The following NR5A2 variants were observed in gnomAD, a reference collection of about 807,000 sequenced individuals.
NR5A2 encodes nuclear receptor subfamily 5 group A member 2.
In NR5A2, 26 loss-of-function variants were observed where a neutral mutation model predicts 62.7. The ratio of observed to expected loss-of-function variants is 0.41; its 90% CI spans 0.30 to 0.58. NR5A2 has a LOEUF of 0.58. Ranked by LOEUF, NR5A2 falls within the 20% of genes least tolerant of loss-of-function variation. The probability of loss-of-function intolerance (pLI) is 0.22; values close to 1 mark genes in which losing one functional copy is unlikely to be tolerated. For synonymous variants in NR5A2, 246 were observed against 241.7 expected (o/e 1.02, Z -0.16); for missense variants, 541 against 669.1 (o/e 0.81, Z 2.11).
chr1:200,050,824 G>A (rs908805328), intron 5 of NR5A2, among the ~76,000 whole-genome samples: 6 of 152,162 alleles, frequency 3.9e-5, no homozygotes, highest in Admixed American at 6.6e-5. Flanking sequence ...CCTGGGAGGC[G>A]GAGGTTGCGG....
rs1048021189 is a variant in NR5A2 at position 200,147,253 on chromosome 1, G to A, written c.1378+26298G>A. 6.6e-6 allele frequency among the ~76,000 whole-genome samples: 1 copy of A among 152,230 alleles called. No homozygotes were observed. Among genetic ancestry groups the A allele is most frequent in the Non-Finnish European group, 1.5e-5 (1 of 68,028 alleles). On this transcript the variant is annotated intron_variant, in intron 7 of 7. Coordinates refer to ENST00000367362, the MANE Select transcript of NR5A2 (RefSeq NM_205860.3). This position sits in a 1 kb window ranked among gnomAD's most constrained non-coding sequence, Gnocchi z 4.9. ...AGGCCGCTGCACCACGTGGTGTCAG[G>A]AGACCTTAGCAATGGCCCAGGTTCG...
At chr1:200,112,267 A>G (rs568810513) in intron 6 of NR5A2, among the ~76,000 whole-genome samples, 2 of 152,312 alleles carry the variant, frequency 1.3e-5, no homozygotes, top group Admixed American at 6.5e-5. Flanking sequence ...GAGAGAGTCT[A>G]CTTAATAGAC....
At chr1:200,095,064 C>A (rs1281049184) in intron 5 of NR5A2, among the ~76,000 whole-genome samples, 1 of 151,102 alleles carries the variant, frequency 6.6e-6, no homozygotes, top group Non-Finnish European at 1.5e-5. Flanking sequence ...CAGATGGTCA[C>A]AATGAGGAAG....
At position 200,074,736 on chromosome 1, in the gene NR5A2, C is replaced by CAAAAAAAAAAAAAAAAAAAAAAAAAAAAA. The variant is rs199556915; in HGVS notation, c.1110+25938_1110+25939insAAAAAAAAAAAAAAAAAAAAAAAAAAAAA. On this transcript the variant is annotated intron_variant, in intron 5 of 7. Coordinates refer to ENST00000367362, the MANE Select transcript of NR5A2 (RefSeq NM_205860.3). ...TGGGCGACAGGGCGAGAGTCCATCT[C>CAAAAAAAAAAAAAAAAAAAAAAAAAAAAA]AAAAAAAAAAAAAAAAAAAACACGA... Among the ~76,000 whole-genome samples, 40 of 67,536 alleles carry CAAAAAAAAAAAAAAAAAAAAAAAAAAAAA rather than the reference C, an allele frequency of 5.9e-4. 1 individual carries two copies. Among genetic ancestry groups the CAAAAAAAAAAAAAAAAAAAAAAAAAAAAA allele is most frequent in the East Asian group, 1.3e-3 (2 of 1,496 alleles). The allele number at this position is 67,536 out of a possible 152,430, so 44.3% of individuals were successfully genotyped here. A position where few individuals can be genotyped will look rare whatever the true frequency, so the allele number is the denominator to read the frequency against.
intron 7 of NR5A2, among the ~76,000 whole-genome samples, chr1:200,135,531 AAAAG>A (rs201676831): frequency 0.043 from 6,562 of 151,002 alleles, 165 homozygotes; most frequent in African/African-American, 0.078. Context: ...CAAAAAAAAA[AAAAG>A]AAGAAGAAGA....
chr1:200,074,081 G>T (rs1274075853), intron 5 of NR5A2, among the ~76,000 whole-genome samples: 1 of 152,020 alleles, frequency 6.6e-6, no homozygotes, highest in African/African-American at 2.4e-5. Flanking sequence ...GGCTATACTT[G>T]GTCCTCGTGA....
intron 5 of NR5A2, among the ~76,000 whole-genome samples, chr1:200,095,653 C>T (rs907094770): frequency 6.6e-5 from 10 of 151,420 alleles, no homozygotes; most frequent in African/African-American, 9.7e-5. Context: ...CCTGGGTTCA[C>T]GCCATCCTCC....
In NR5A2 at chr1:200,175,768, A is replaced by C. The variant is rs890667215; in HGVS notation, c.*1558A>C. The C allele has an allele frequency of 6.6e-6, 1 of 152,432 alleles. No homozygotes were observed. The highest frequency in any genetic ancestry group is 1.5e-5 in the Non-Finnish European group (1 of 68,022). The allele number at this position is 152,432 out of a possible 1,614,324, so 9.4% of individuals were successfully genotyped here. A position where few individuals can be genotyped will look rare whatever the true frequency, so the allele number is the denominator to read the frequency against. On this transcript the variant is annotated 3_prime_UTR_variant, in exon 8 of 8. Transcript: ENST00000367362. ...ATTATTCTATGTCGTGAGACACTAA[A>C]ATCAAAAACGGGAATCTCATTTAGA...
At chr1:200,130,917 G>A (rs972532319) in intron 7 of NR5A2, among the ~76,000 whole-genome samples, 3 of 152,120 alleles carry the variant, frequency 2.0e-5, no homozygotes, top group Admixed American at 1.3e-4. Flanking sequence ...AGGGTTCTTC[G>A]TACAATTAGC....
chr1:200,164,943 C>G (rs2102385929), intron 7 of NR5A2, among the ~76,000 whole-genome samples: 1 of 134,464 alleles, frequency 7.4e-6, no homozygotes, highest in East Asian at 2.5e-4. Context: ...ATGGCACAAT[C>G]TCAGCTCACT....
intron 5 of NR5A2, among the ~76,000 whole-genome samples, chr1:200,079,858 G>T (rs1035264687): frequency 1.6e-5 from 2 of 128,558 alleles, no homozygotes; most frequent in African/African-American, 6.0e-5. Context: ...TGATAAGGGT[G>T]GCCTTGTTAT....
At chr1:200,038,834 G>T in intron 1 of NR5A2, 1 of 1,154,698 alleles carries the variant, frequency 8.7e-7, no homozygotes, top group Non-Finnish European at 1.1e-6. Flanking sequence ...GAGGGGGTGA[G>T]GCGGGGTGAA....
intron 1 of NR5A2, among the ~76,000 whole-genome samples, chr1:200,035,451 G>T (rs1367929352): frequency 6.6e-6 from 1 of 152,132 alleles, no homozygotes; most frequent in Non-Finnish European, 1.5e-5. Flanking sequence ...CACGGGTCAA[G>T]CGCGCGGGGG....
intron 7 of NR5A2, among the ~76,000 whole-genome samples, chr1:200,128,697 G>GTGGA (rs1463653481): frequency 1.3e-5 from 2 of 152,122 alleles, no homozygotes; most frequent in Non-Finnish European, 2.9e-5. Flanking sequence ...GCAGGGCAGG[G>GTGGA]TGGAGTGGGG....
intron 5 of NR5A2, among the ~76,000 whole-genome samples, chr1:200,052,410 T>A (rs986640145): frequency 1.3e-5 from 2 of 152,186 alleles, no homozygotes; most frequent in Admixed American, 6.5e-5. Flanking sequence ...AGTCTCAAAC[T>A]CCTAGGCTCA....
chr1:200,164,459 A>C (rs951421389), intron 7 of NR5A2, among the ~76,000 whole-genome samples: 1 of 152,184 alleles, frequency 6.6e-6, no homozygotes, highest in Non-Finnish European at 1.5e-5. Flanking sequence ...AAAAACTGAC[A>C]TATACATTAC....
intron 5 of NR5A2, among the ~76,000 whole-genome samples, chr1:200,052,834 G>C (rs1367593485): frequency 6.6e-6 from 1 of 152,042 alleles, no homozygotes; most frequent in East Asian, 1.9e-4. Context: ...TAGAGACGGT[G>C]TTTCACCGTG....
At chr1:200,043,377 C>T (rs934366401) in intron 2 of NR5A2, among the ~76,000 whole-genome samples, 1 of 152,194 alleles carries the variant, frequency 6.6e-6, no homozygotes, top group African/African-American at 2.4e-5. Flanking sequence ...ATAAAGCCTG[C>T]GCTTGTTTCT....
chr1:200,035,028 T>A (rs897797920), intron 1 of NR5A2, among the ~76,000 whole-genome samples: 4 of 151,974 alleles, frequency 2.6e-5, no homozygotes, highest in African/African-American at 9.7e-5. Context: ...GCTAAACTTT[T>A]CAGAGAAAGG....
Sources: gnomAD v4.1 joint callset for allele counts (sites outside exome capture counted in the v4.1 genomes callset) on GRCh38, gnomAD v4.1.1 for gene constraint, Gnocchi (gnomAD v3.1) non-coding constraint, MANE v1.5 for transcripts, NCBI Gene and HGNC (gene_info 2026-07-23, HGNC 2026-07-21) for gene names.